The following DPP10 variants were observed in gnomAD, a reference collection of about 807,000 sequenced individuals.
The protein encoded by DPP10 is dipeptidyl peptidase like 10, also known as inactive dipeptidyl peptidase 10.
In DPP10, 33 loss-of-function variants were observed where a neutral mutation model predicts 120.9. That is an observed-to-expected ratio of 0.27 (90% confidence interval 0.21 to 0.37). DPP10 has a LOEUF of 0.37. Among genes scored for constraint, DPP10 ranks in the 10% least tolerant of loss-of-function variants. The probability of loss-of-function intolerance (pLI) is 1.00; values close to 1 mark genes in which losing one functional copy is unlikely to be tolerated. For synonymous variants in DPP10, 337 were observed against 326.1 expected (o/e 1.03, Z -0.36); for missense variants, 816 against 942.8 (o/e 0.87, Z 1.76).
At chr2:115,342,460 C>G (rs71418557) in intron 2 of DPP10, among the ~76,000 whole-genome samples, 3,102 of 152,176 alleles carry the variant, frequency 0.02, 46 homozygotes, top group Non-Finnish European at 0.029. Flanking sequence ...GTGATCCACC[C>G]GCCTTGGCCT....
At chr2:115,337,753 A>T (rs542788858) in intron 2 of DPP10, among the ~76,000 whole-genome samples, 14 of 151,420 alleles carry the variant, frequency 9.2e-5, no homozygotes, top group African/African-American at 3.4e-4. Context: ...TTATGTGTAT[A>T]AGGAAGGAGT....
At chr2:114,836,735 T>C (rs1012492758) in intron 1 of DPP10, among the ~76,000 whole-genome samples, 6 of 152,286 alleles carry the variant, frequency 3.9e-5, no homozygotes, top group African/African-American at 1.4e-4. Flanking sequence ...CTAATAAACC[T>C]GTGAGCACTA....
chr2:114,935,366 G>A (rs76253391), intron 1 of DPP10, among the ~76,000 whole-genome samples: 1,625 of 152,102 alleles, frequency 0.011, 36 homozygotes, highest in African/African-American at 0.037. Flanking sequence ...GTCCAAAGTC[G>A]GAACTCTTTC....
At chr2:114,505,643 A>C (rs995938854) in intron 1 of DPP10, among the ~76,000 whole-genome samples, 2 of 152,140 alleles carry the variant, frequency 1.3e-5, no homozygotes, top group Non-Finnish European at 2.9e-5. Context: ...TCCATTTTAC[A>C]AATAATGGCA....
At chr2:114,534,328 A>T (rs1686306021) in intron 1 of DPP10, among the ~76,000 whole-genome samples, 1 of 152,088 alleles carries the variant, frequency 6.6e-6, no homozygotes, top group African/African-American at 2.4e-5. Context: ...ATTCTATTTT[A>T]GAGTGGCTTC....
intron 1 of DPP10, among the ~76,000 whole-genome samples, chr2:114,478,030 T>C (rs1039342671): frequency 2.0e-5 from 3 of 152,044 alleles, no homozygotes; most frequent in African/African-American, 7.2e-5. Context: ...TGATAGATTA[T>C]TGAGTAACAT....
At chr2:115,646,275 T>G (rs1473527088) in intron 5 of DPP10, among the ~76,000 whole-genome samples, 2 of 152,156 alleles carry the variant, frequency 1.3e-5, no homozygotes, top group African/African-American at 4.8e-5. Context: ...CTAAACTTAG[T>G]AGGCTCATAG....
At chr2:114,766,939 G>A (rs948508493) in intron 1 of DPP10, among the ~76,000 whole-genome samples, 1 of 151,514 alleles carries the variant, frequency 6.6e-6, no homozygotes, top group Non-Finnish European at 1.5e-5. Context: ...ACGAGAGAGA[G>A]AGAGAAATGG....
At chr2:115,412,849 A>G (rs1176971005) in intron 3 of DPP10, among the ~76,000 whole-genome samples, 2 of 152,192 alleles carry the variant, frequency 1.3e-5, no homozygotes, top group African/African-American at 2.4e-5. Context: ...TGTACACATA[A>G]TAGATGGGTG....
At chr2:114,936,683 G>A (rs572122981) in intron 1 of DPP10, among the ~76,000 whole-genome samples, 1 of 152,098 alleles carries the variant, frequency 6.6e-6, no homozygotes, top group African/African-American at 2.4e-5. Flanking sequence ...TTTCACTGTA[G>A]TTGTACTATT....
intron 1 of DPP10, among the ~76,000 whole-genome samples, chr2:115,144,581 C>A (rs2051116962): frequency 1.4e-5 from 2 of 145,406 alleles, no homozygotes; most frequent in African/African-American, 5.1e-5. Context: ...AGGCTAAAAC[C>A]TTTCCTCTTC....
At chr2:114,680,381 G>A (rs1391500854) in intron 1 of DPP10, among the ~76,000 whole-genome samples, 1 of 151,890 alleles carries the variant, frequency 6.6e-6, no homozygotes, top group Non-Finnish European at 1.5e-5. Context: ...ACTGGGTCCT[G>A]TATTTTTTTA....
At position 115,720,764 on chromosome 2, in the gene DPP10, T is replaced by C. The variant is rs188883809; in HGVS notation, c.577-7052T>C. ...AATTAAAAGACAAATATTTAGTTTA[T>C]TCTAAGATGTGTTCTTAAAGACATT... On this transcript the variant is annotated intron_variant, in intron 7 of 25. Coordinates refer to ENST00000410059, the MANE Select transcript of DPP10 (RefSeq NM_020868.6). 2.9e-3 allele frequency among the ~76,000 whole-genome samples: 441 copies of C among 152,310 alleles called. 2 individuals carry two copies. Among genetic ancestry groups the C allele is most frequent in the African/African-American group, 0.01 (417 of 41,568 alleles).
At chr2:115,583,543 G>T (rs2082119216) in intron 5 of DPP10, among the ~76,000 whole-genome samples, 1 of 152,096 alleles carries the variant, frequency 6.6e-6, no homozygotes, top group African/African-American at 2.4e-5. Context: ...TGACACATGT[G>T]GCCTTTGTGA....
intron 3 of DPP10, among the ~76,000 whole-genome samples, chr2:115,387,007 A>T (rs1424320160): frequency 6.6e-6 from 1 of 152,068 alleles, no homozygotes; most frequent in Admixed American, 6.6e-5. Context: ...ATCTTAAGAT[A>T]TGTCAGTATG....
intron 5 of DPP10, among the ~76,000 whole-genome samples, chr2:115,561,293 A>G (rs897680439): frequency 3.2e-5 from 4 of 124,994 alleles, no homozygotes; most frequent in Non-Finnish European, 6.3e-5. Flanking sequence ...CAGGAGGTGG[A>G]GGTGGCAGTG....
chr2:115,359,359 A>G (rs1341648872), intron 3 of DPP10, among the ~76,000 whole-genome samples: 1 of 152,178 alleles, frequency 6.6e-6, no homozygotes. Context: ...CTTCTCTGGA[A>G]AGGATTTTAT....
chr2:115,162,385 A>C (rs1357884622), intron 1 of DPP10: 2 of 1,324,518 alleles, frequency 1.5e-6, no homozygotes, highest in African/African-American at 3.1e-5. Flanking sequence ...CACGCTGAAG[A>C]AATCTGCTGC....
At chr2:114,446,645 G>A (rs949841824) in intron 1 of DPP10, among the ~76,000 whole-genome samples, 2 of 152,114 alleles carry the variant, frequency 1.3e-5, no homozygotes, top group African/African-American at 4.8e-5. Context: ...ACATAGCCCT[G>A]CTGCAAGTTT....
Sources: allele counts gnomAD v4.1 joint callset (sites outside exome capture counted in the v4.1 genomes callset), GRCh38; gene constraint gnomAD v4.1.1; transcripts MANE v1.5; gene names NCBI Gene and HGNC (gene_info 2026-07-23, HGNC 2026-07-21).